Variants in DROSHA observed in about 807,000 individuals in gnomAD.
DROSHA encodes drosha ribonuclease III.
Under a neutral mutation model 181.9 loss-of-function variants are expected in DROSHA, and 56 were observed. The observed-to-expected ratio is 0.31, with a 90% confidence interval of 0.25 to 0.38. The LOEUF (loss-of-function observed/expected upper bound fraction) is 0.38. DROSHA is among the 10% of genes least tolerant of loss of function. The pLI, the probability that DROSHA is intolerant of heterozygous loss-of-function variation, is 1.00. For synonymous variants in DROSHA, 524 were observed against 591.2 expected, an observed-to-expected ratio of 0.89 and a Z score of 1.65; for missense variants, 1,218 against 1,743.5, an observed-to-expected ratio of 0.70 and a Z score of 5.37.
intron 26 of DROSHA, among the ~76,000 whole-genome samples, 151 bp from the exon 27 acceptor site, chr5:31,429,696 T>A (rs1467328610): frequency 6.6e-6 from 1 of 152,188 alleles, no homozygotes; most frequent in African/African-American, 2.4e-5. Context: ...AAGGTGACAT[T>A]TCCCCTTTTT....
Position 31,411,022 on chromosome 5 carries a change from CA to C in DROSHA, c.3526-136del. 1.6e-6 allele frequency: 2 copies of C among 1,247,008 alleles called. No homozygotes were observed. Among genetic ancestry groups the C allele is most frequent in the Non-Finnish European group, 2.2e-6 (2 of 898,044 alleles). The allele number at this position is 1,247,008 out of a possible 1,614,324, so 77.2% of individuals were successfully genotyped here. ...AATAAGTGAGGTCTATGGCCTCAAC[CA>C]TCACCCAGATGACAGTGATATGCTC... On this transcript the variant is annotated intron_variant, in intron 30 of 35. Coordinates refer to ENST00000344624, the MANE Select transcript of DROSHA (RefSeq NM_001382508.1). The surrounding 1 kb of genome is among the most constrained non-coding windows in gnomAD (Gnocchi z 4.2).
At chr5:31,446,748 G>C (rs1302773767) in intron 23 of DROSHA, among the ~76,000 whole-genome samples, 1 of 148,152 alleles carries the variant, frequency 6.7e-6, no homozygotes, top group African/African-American at 2.5e-5. Flanking sequence ...ACTACATAAA[G>C]AAAATGTGGG....
chr5:31,424,495 A>C (rs1360386427), intron 27 of DROSHA, 24 bp from the exon 28 acceptor site: 1 of 1,581,208 alleles, frequency 6.3e-7, no homozygotes, highest in South Asian at 1.2e-5. Context: ...TGATGCCTTT[A>C]ATGCTCAAGG....
chr5:31,436,805 T>C (rs1450925721), intron 24 of DROSHA, among the ~76,000 whole-genome samples: 2 of 148,188 alleles, frequency 1.3e-5, no homozygotes, highest in Admixed American at 1.3e-4. Context: ...CACTAGAAAA[T>C]CTGGTCATTA....
intron 10 of DROSHA, 88 bp from the exon 11 acceptor site, chr5:31,504,723 A>G: frequency 7.3e-7 from 1 of 1,373,692 alleles, no homozygotes; most frequent in Non-Finnish European, 1.0e-6. Context: ...GTGGGTTTTA[A>G]TGTCATGAGC....
At position 31,526,651 on chromosome 5, in the gene DROSHA, G is replaced by A. The variant is rs779827501; in HGVS notation, c.282C>T (p.Pro94=). The A allele has an allele frequency of 2.0e-6, 3 of 1,520,940 alleles. No homozygotes were observed. Among genetic ancestry groups the A allele is most frequent in the Non-Finnish European group, 2.6e-6 (3 of 1,136,950 alleles). 94.2% of individuals were successfully genotyped at this position (1,520,940 alleles called of 1,614,324 possible). A position where few individuals can be genotyped will look rare whatever the true frequency, so the allele number is the denominator to read the frequency against. ...PMPPSAQGPL[P]PCPIRPPFPN... ...GGAAAGGCGGCCTGATTGGGCAGGG[G>A]GGAAGAGGGCCTTGCGCTGACGGAG... Residue 94 remains proline, a synonymous_variant, in exon 5 of 36, where the codon CCC becomes CCT. Transcript: ENST00000344624.
chr5:31,468,103 T>C, intron 17 of DROSHA, 40 bp from the exon 18 acceptor site: 2 of 1,584,550 alleles, frequency 1.3e-6, no homozygotes, highest in Non-Finnish European at 1.7e-6. Flanking sequence ...CCATAAGAAG[T>C]CTTTATGTAT....
At chr5:31,471,400 T>C (rs969705261) in intron 17 of DROSHA, among the ~76,000 whole-genome samples, 3 of 152,124 alleles carry the variant, frequency 2.0e-5, no homozygotes, top group African/African-American at 7.2e-5. Context: ...AAGAAAAAAA[T>C]TGATATAAAG....
chr5:31,403,475 T>C (rs573762661), intron 35 of DROSHA, among the ~76,000 whole-genome samples: 53 of 152,304 alleles, frequency 3.5e-4, no homozygotes, highest in Non-Finnish European at 6.8e-4. Context: ...TCATTACTCA[T>C]TGGGAAAGTA....
intron 34 of DROSHA, among the ~76,000 whole-genome samples, 176 bp from the exon 35 acceptor site, chr5:31,405,899 G>T (rs987640100): frequency 7.4e-5 from 11 of 149,608 alleles, no homozygotes; most frequent in Non-Finnish European, 8.9e-5. Context: ...GCACAGATAG[G>T]AATATACACA....
intron 17 of DROSHA, among the ~76,000 whole-genome samples, chr5:31,469,821 A>C (rs934245937): frequency 6.6e-6 from 1 of 152,244 alleles, no homozygotes. Context: ...AAAAAATGAC[A>C]AAAGTCACTA....
At position 31,526,823 on chromosome 5, in the gene DROSHA, T is replaced by G. The variant is rs569160930; in HGVS notation, c.110A>C (p.Gln37Pro). Residue 37 changes from glutamine to proline, a missense_variant, in exon 5 of 36, where the codon CAA (glutamine) becomes CCA (proline). Transcript: ENST00000344624. ...CTGAGGGTGAAGCAGCCTCAGATTT[T>G]GGGGCCTAAAGGATGGTGCTGAGGG... The part of the protein sequence containing the change: ...ARPSAPSFRP[Q>P]NLRLLHPQQP... 1.2e-6 allele frequency: 2 copies of G among 1,613,068 alleles called. No individual in the cohort carries two copies. The highest frequency in any genetic ancestry group is 1.1e-5 in the South Asian group (1 of 90,988).
At position 31,495,377 on chromosome 5, in the gene DROSHA, G is replaced by A. The variant is rs371710880; in HGVS notation, c.1669-5C>T. 1.7e-4 allele frequency: 269 copies of A among 1,610,554 alleles called. 1 individual carries two copies. Among genetic ancestry groups the A allele is most frequent in the Non-Finnish European group, 2.3e-4 (267 of 1,178,946 alleles). On this transcript the variant is annotated splice_polypyrimidine_tract_variant and splice_region_variant and intron_variant, in intron 11 of 35. Transcript: ENST00000344624. Reference sequence around the variant, plus strand: ...AGGACGACAGGGCTTGATGGCCTGAGGGGAAAAAAACGAAAATCAGTTTAC... The same window carrying A: ...AGGACGACAGGGCTTGATGGCCTGAAGGGAAAAAAACGAAAATCAGTTTAC...
intron 6 of DROSHA, among the ~76,000 whole-genome samples, chr5:31,517,831 G>A (rs1247369264): frequency 3.3e-5 from 5 of 152,052 alleles, no homozygotes; most frequent in African/African-American, 7.2e-5. Context: ...TTGGGAGGCC[G>A]GGGTAGGAGG....
At position 31,529,608 on chromosome 5, in the gene DROSHA, G is replaced by A. The variant is rs755997622; in HGVS notation, c.-46-503C>T. On this transcript the variant is annotated intron_variant, in intron 3 of 35. Coordinates refer to ENST00000344624, the MANE Select transcript of DROSHA (RefSeq NM_001382508.1). ...AACTTAGCCGGGCGTGGTGGTGGGC[G>A]CCTGTAGTCCCAGCTACTCGGGAGG... Among the ~76,000 whole-genome samples the A allele has an allele frequency of 9.2e-5, 14 of 151,976 alleles. No homozygotes were observed. In the South Asian group the frequency reaches 1.2e-3, roughly 14 times the overall value.
rs1745514310 is a variant in DROSHA at position 31,440,939 on chromosome 5, T to C, written c.2883-3641A>G. ...TTAGAATTGGGTCCTATCCCCAAGA[T>C]ATCTCACTATATGCAAATATTCCAA... On this transcript the variant is annotated intron_variant, in intron 23 of 35. Coordinates refer to ENST00000344624, the MANE Select transcript of DROSHA (RefSeq NM_001382508.1). 2.6e-5 allele frequency among the ~76,000 whole-genome samples: 4 copies of C among 152,174 alleles called. No individual in the cohort carries two copies. In the South Asian group the frequency reaches 8.3e-4, roughly 32 times the overall value.
rs558382994 is a variant in DROSHA, at chr5:31,526,473, G to T, written c.460C>A (p.Pro154Thr). Reference protein sequence around the residue: ...FMMPPPSMPHPPPPPVMPQQV... With the variant: ...FMMPPPSMPHTPPPPVMPQQV... ...TGCGGCATGACTGGAGGGGGCGGGG[G>T]ATGAGGCATGGAGGGAGGGGGCATC... Residue 154 changes from proline to threonine, a missense_variant, in exon 5 of 36, where the codon CCC becomes ACC. Pro to Thr is a conservative substitution (Grantham distance 38). Around this residue, in one of 8 missense-constraint regions of DROSHA, gnomAD observed 536 missense variants for 535.4 expected, o/e 1.00. Transcript: ENST00000344624. 1.9e-6 allele frequency: 3 copies of T among 1,569,610 alleles called. No homozygotes were observed. The South Asian group carries it at 3.4e-5, about 18-fold the overall frequency.
At chr5:31,525,329 CAAAAA>C (rs34043904) in intron 5 of DROSHA, among the ~76,000 whole-genome samples, 15 of 46,054 alleles carry the variant, frequency 3.3e-4, no homozygotes, top group Admixed American at 1.1e-3. Context: ...GACTTCATCT[CAAAAA>C]AAAAAAAAAA....
intron 23 of DROSHA, among the ~76,000 whole-genome samples, chr5:31,445,831 A>G (rs9885466): frequency 0.052 from 7,927 of 152,252 alleles, 475 homozygotes; most frequent in African/African-American, 0.15. Flanking sequence ...ATCTTCCTCA[A>G]TAGTGAAAGA....
Sources: allele counts gnomAD v4.1 joint callset (sites outside exome capture counted in the v4.1 genomes callset), GRCh38; gene constraint gnomAD v4.1.1; regional missense constraint gnomAD v4.1.1; non-coding constraint Gnocchi (gnomAD v3.1); transcripts MANE v1.5; gene names NCBI Gene and HGNC (gene_info 2026-07-23, HGNC 2026-07-21).